The following ZSCAN25 variants were observed in gnomAD, a reference collection of about 807,000 sequenced individuals.
ZSCAN25 encodes zinc finger and SCAN domain-containing protein 25.
Under a neutral mutation model 38.7 loss-of-function variants are expected in ZSCAN25, and 27 were observed. The ratio of observed to expected loss-of-function variants is 0.70; its 90% CI spans 0.51 to 0.96. The LOEUF (loss-of-function observed/expected upper bound fraction) is 0.96, where lower values mean the gene tolerates loss of function less well. Among genes scored for constraint, ZSCAN25 ranks in the 40% least tolerant of loss-of-function variants. The pLI, the probability that ZSCAN25 is intolerant of heterozygous loss-of-function variation, is 0.00. For synonymous variants in ZSCAN25, 273 were observed against 277.7 expected, an observed-to-expected ratio of 0.98 and a Z score of 0.17; for missense variants, 637 against 705.9, an observed-to-expected ratio of 0.90 and a Z score of 1.11.
downstream of ZSCAN25, among the ~76,000 whole-genome samples, chr7:99,636,046 CAAAAAAAAAAAAA>C (rs780898445): frequency 4.6e-5 from 2 of 43,406 alleles, no homozygotes; most frequent in Non-Finnish European, 1.1e-4. Context: ...GACTCCATCT[CAAAAAAAAAAAAA>C]AAAAAAAAAA....
At chr7:99,696,766 C>G in the ZSCAN25 span, among the ~76,000 whole-genome samples, 1 of 152,174 alleles carries the variant, frequency 6.6e-6, no homozygotes, top group African/African-American at 2.4e-5. Flanking sequence ...AATGTAATCC[C>G]CAATGCTGGT....
chr7:99,657,008 T>C, the ZSCAN25 span, among the ~76,000 whole-genome samples: 1 of 152,228 alleles, frequency 6.6e-6, no homozygotes, highest in African/African-American at 2.4e-5. Context: ...TCTATCAATT[T>C]TGTTGATCTT....
Position 99,630,031 on chromosome 7 carries a change from T to C in ZSCAN25, c.*11T>C. Reference sequence around the variant, plus strand: ...CCGCTGGTGCAGTGAGCATAGCAGGTGGCAGGCAGCACCATCATTCATCTT... The same window carrying C: ...CCGCTGGTGCAGTGAGCATAGCAGGCGGCAGGCAGCACCATCATTCATCTT... On this transcript the variant is annotated 3_prime_UTR_variant, in exon 8 of 8. Coordinates refer to ENST00000394152, the MANE Select transcript of ZSCAN25 (RefSeq NM_145115.3). 1 of 1,508,970 alleles carries C rather than the reference T, an allele frequency of 6.6e-7. No homozygotes were observed. The highest frequency in any genetic ancestry group is 8.9e-7 in the Non-Finnish European group (1 of 1,127,824). The allele number at this position is 1,508,970 out of a possible 1,614,324, so 93.5% of individuals were successfully genotyped here. A position where few individuals can be genotyped will look rare whatever the true frequency, so the allele number is the denominator to read the frequency against.
At chr7:99,661,935 G>A in the ZSCAN25 span, among the ~76,000 whole-genome samples, 2 of 152,284 alleles carry the variant, frequency 1.3e-5, no homozygotes, top group East Asian at 3.9e-4. Context: ...CAGTGGCATT[G>A]GCCACATGTC....
chr7:99,717,580 C>T, the ZSCAN25 span: 1 of 1,613,738 alleles, frequency 6.2e-7, no homozygotes, highest in Non-Finnish European at 8.5e-7. Flanking sequence ...GTATTCTCTT[C>T]CATTCTTCAT....
At chr7:99,719,505 G>A in the ZSCAN25 span, among the ~76,000 whole-genome samples, 1 of 152,042 alleles carries the variant, frequency 6.6e-6, no homozygotes, top group Non-Finnish European at 1.5e-5. Context: ...ATTTAGTAAA[G>A]CATTAAACTT....
chr7:99,729,057 G>A, the ZSCAN25 span, among the ~76,000 whole-genome samples: 1 of 152,092 alleles, frequency 6.6e-6, no homozygotes, highest in Non-Finnish European at 1.5e-5. Context: ...AAAGCTTAAA[G>A]ATAAAGACCA....
At chr7:99,711,185 G>A in the ZSCAN25 span, among the ~76,000 whole-genome samples, 1 of 152,104 alleles carries the variant, frequency 6.6e-6, no homozygotes, top group African/African-American at 2.4e-5. Context: ...GAACATTTCT[G>A]CATAACATAC....
At chr7:99,713,771 T>C in the ZSCAN25 span, among the ~76,000 whole-genome samples, 2 of 152,214 alleles carry the variant, frequency 1.3e-5, no homozygotes, top group South Asian at 4.1e-4. Context: ...GTCTTTTCCC[T>C]GGTCCTAACT....
the ZSCAN25 span, among the ~76,000 whole-genome samples, chr7:99,649,366 G>T: frequency 6.6e-6 from 1 of 152,174 alleles, no homozygotes; most frequent in South Asian, 2.1e-4. Flanking sequence ...AGACTTATAG[G>T]CTATTGCTTA....
the ZSCAN25 span, among the ~76,000 whole-genome samples, chr7:99,709,894 G>A: frequency 2.6e-5 from 4 of 152,186 alleles, no homozygotes; most frequent in Admixed American, 2.0e-4. Context: ...ATAATTTGAG[G>A]AAAAACTAGT....
chr7:99,619,709 G>T lies in ZSCAN25; in HGVS notation c.103G>T (p.Asp35Tyr). 1 of 1,614,240 alleles carries T rather than the reference G, an allele frequency of 6.2e-7. No homozygotes were observed. The highest frequency in any genetic ancestry group is 8.5e-7 in the Non-Finnish European group (1 of 1,180,040). Residue 35 changes from aspartate (D) to tyrosine (Y), a missense_variant, in exon 4 of 8, where the codon GAC (aspartate) becomes TAC (tyrosine). Transcript: ENST00000394152. ...GTTGCCATGGGGCAGAGGAAGGGAG[G>T]ACCCTAGTCCAGAGACTTTTCGGCT... ...KELPWGRGRE[D>Y]PSPETFRLRF...
the ZSCAN25 span, among the ~76,000 whole-genome samples, chr7:99,716,746 G>GA: frequency 1.3e-5 from 2 of 151,648 alleles, no homozygotes; most frequent in African/African-American, 2.4e-5. Context: ...GATACCCTCA[G>GA]AAAAAAAACA....
chr7:99,641,620 A>C, the ZSCAN25 span, among the ~76,000 whole-genome samples: 1 of 151,520 alleles, frequency 6.6e-6, no homozygotes, highest in African/African-American at 2.4e-5. Context: ...ACAAAACCAA[A>C]CTCTTCATTC....
chr7:99,712,715 A>G, the ZSCAN25 span, among the ~76,000 whole-genome samples: 1 of 152,196 alleles, frequency 6.6e-6, no homozygotes, highest in African/African-American at 2.4e-5. Context: ...TCTGTATGCC[A>G]AAGTCAGCCT....
At chr7:99,647,483 T>C in the ZSCAN25 span, 2 of 985,412 alleles carry the variant, frequency 2.0e-6, no homozygotes, top group Non-Finnish European at 2.4e-6. Flanking sequence ...TTCATTGCAT[T>C]AAGACAATTG....
intron 7 of ZSCAN25, among the ~76,000 whole-genome samples, chr7:99,624,836 C>T (rs1036297054): frequency 4.6e-5 from 7 of 152,076 alleles, no homozygotes; most frequent in Admixed American, 1.3e-4. Flanking sequence ...GAGCGCACTG[C>T]GGGGCTTTGG....
At chr7:99,649,342 C>T in the ZSCAN25 span, among the ~76,000 whole-genome samples, 4 of 152,260 alleles carry the variant, frequency 2.6e-5, no homozygotes, top group Admixed American at 6.5e-5. Flanking sequence ...TTAAATACAC[C>T]GGTCCTGGAA....
the ZSCAN25 span, chr7:99,638,501 G>C: frequency 1.2e-5 from 18 of 1,500,226 alleles, no homozygotes; most frequent in East Asian, 1.1e-4. Flanking sequence ...AGTCGGCACA[G>C]TCCACTACGA....
Sources: gnomAD v4.1 joint callset for allele counts (sites outside exome capture counted in the v4.1 genomes callset) on GRCh38, gnomAD v4.1.1 for gene constraint, MANE v1.5 for transcripts, NCBI Gene and HGNC (gene_info 2026-07-23, HGNC 2026-07-21) for gene names.